The following AQR variants were observed in gnomAD, a reference collection of about 807,000 sequenced individuals.
AQR encodes the protein RNA helicase aquarius.
Under a neutral mutation model 180.5 loss-of-function variants are expected in AQR, and 61 were observed. The ratio of observed to expected loss-of-function variants is 0.34; its 90% CI spans 0.28 to 0.42. AQR has a LOEUF of 0.42. Ranked by LOEUF, AQR falls within the 10% of genes least tolerant of loss-of-function variation. The pLI is 1.00. For missense variants in AQR, 1,281 were observed against 1,798.3 expected (o/e 0.71, Z 5.20); for synonymous variants, 551 against 588.8 (o/e 0.94, Z 0.93).
intron 20 of AQR, among the ~76,000 whole-genome samples, chr15:34,900,139 C>T (rs538624784): frequency 2.0e-5 from 3 of 152,092 alleles, no homozygotes; most frequent in Non-Finnish European, 2.9e-5. Context: ...GCAGTCCTCC[C>T]GCCTTAGCCT....
chr15:34,886,786 T>C (rs922128438), intron 24 of AQR, 125 bp from the exon 25 acceptor site: 3 of 968,604 alleles, frequency 3.1e-6, no homozygotes, highest in Non-Finnish European at 4.5e-6. Flanking sequence ...ATATGGCTTC[T>C]ATTTAACTAT....
intron 23 of AQR, 69 bp downstream of exon 23, chr15:34,893,594 C>G: frequency 7.5e-7 from 1 of 1,340,036 alleles, no homozygotes; most frequent in East Asian, 2.4e-5. Flanking sequence ...TACCCATGTG[C>G]ATGCGCATGC....
intron 30 of AQR, among the ~76,000 whole-genome samples, chr15:34,871,858 G>A (rs756738937): frequency 6.6e-6 from 1 of 151,470 alleles, no homozygotes; most frequent in Non-Finnish European, 1.5e-5. Context: ...TTAAAGGTGA[G>A]GAACCACACA....
intron 34 of AQR, among the ~76,000 whole-genome samples, chr15:34,857,651 T>C (rs1892606776): frequency 6.6e-6 from 1 of 152,160 alleles, no homozygotes; most frequent in Non-Finnish European, 1.5e-5. Context: ...CTCAGGATGC[T>C]GAGGCAGGAG....
intron 20 of AQR, among the ~76,000 whole-genome samples, chr15:34,899,757 T>C (rs1397724366): frequency 3.3e-5 from 5 of 152,074 alleles, no homozygotes; most frequent in Non-Finnish European, 5.9e-5. Flanking sequence ...CTACCACCCA[T>C]AGGTATACTC....
intron 7 of AQR, among the ~76,000 whole-genome samples, chr15:34,941,401 T>C (rs1042525722): frequency 3.8e-4 from 58 of 152,352 alleles, no homozygotes; most frequent in African/African-American, 1.3e-3. Context: ...TTCTCTCTTA[T>C]AGCACTTGCC....
intron 3 of AQR, among the ~76,000 whole-genome samples, chr15:34,957,562 G>A (rs1436294603): frequency 1.3e-5 from 2 of 151,274 alleles, no homozygotes; most frequent in Admixed American, 6.6e-5. Context: ...TTAGCCAGGC[G>A]TGGTGGAGCA....
intron 20 of AQR, among the ~76,000 whole-genome samples, chr15:34,898,514 T>G (rs1043775828): frequency 6.6e-6 from 1 of 152,062 alleles, no homozygotes; most frequent in African/African-American, 2.4e-5. Context: ...TCTAGTGAGG[T>G]GAGACAGGGA....
intron 10 of AQR, among the ~76,000 whole-genome samples, chr15:34,932,688 G>T (rs371844979): frequency 6.6e-6 from 1 of 152,126 alleles, no homozygotes; most frequent in Non-Finnish European, 1.5e-5. Flanking sequence ...GGCCGGGCGC[G>T]GTGGCTCATG....
At chr15:34,904,155 C>G (rs762660680) in intron 19 of AQR, among the ~76,000 whole-genome samples, 181 bp downstream of exon 19, 2 of 151,958 alleles carry the variant, frequency 1.3e-5, no homozygotes, top group Non-Finnish European at 2.9e-5. Flanking sequence ...AAATCAATTT[C>G]TTTAAATTTT....
chr15:34,928,379 T>C (rs896728721), intron 12 of AQR, among the ~76,000 whole-genome samples: 4 of 152,114 alleles, frequency 2.6e-5, no homozygotes, highest in African/African-American at 9.7e-5. Flanking sequence ...CTGGTGTGTG[T>C]TGTTTCCTTC....
In AQR at chr15:34,882,604, C is replaced by A; in HGVS notation, c.3063G>T (p.Leu1021=). The part of the protein sequence containing the change: ...FRASELLRSG[L]DRSKYLLVKE... ...TCACTAAAAGGTATTTAGATCTGTC[C>A]AGTCCACTTCGAAGCAATTCAGAGG... Residue 1021 remains leucine (L), a synonymous_variant, in exon 27 of 35, where the codon CTG becomes CTT. Coordinates refer to ENST00000156471, the MANE Select transcript of AQR (RefSeq NM_014691.3). 5.0e-6 allele frequency: 8 copies of A among 1,610,306 alleles called. No individual in the cohort carries two copies. Among genetic ancestry groups the A allele is most frequent in the Non-Finnish European group, 6.8e-6 (8 of 1,178,220 alleles).
At chr15:34,932,527 A>T in intron 10 of AQR, 93 bp from the exon 11 acceptor site, 1 of 900,090 alleles carries the variant, frequency 1.1e-6, no homozygotes. Context: ...AGTATTAATC[A>T]CATACAAGGT....
chr15:34,918,484 A>C, intron 14 of AQR, 106 bp from the exon 15 acceptor site: 2 of 1,343,228 alleles, frequency 1.5e-6, no homozygotes, highest in Non-Finnish European at 2.0e-6. Flanking sequence ...TAGCAGTTCA[A>C]CAAGCGATTT....
At chr15:34,960,443 A>G (rs2050268338) in intron 3 of AQR, among the ~76,000 whole-genome samples, 2 of 152,182 alleles carry the variant, frequency 1.3e-5, no homozygotes, top group African/African-American at 4.8e-5. Context: ...TAAATTTAAT[A>G]ATGTCTTACT....
chr15:34,933,314 A>C (rs1021319760), intron 10 of AQR, among the ~76,000 whole-genome samples: 2 of 152,160 alleles, frequency 1.3e-5, no homozygotes, highest in Non-Finnish European at 1.5e-5. Context: ...ATATCAAAAA[A>C]CCACCTTACT....
intron 4 of AQR, among the ~76,000 whole-genome samples, chr15:34,951,149 C>T (rs1894224932): frequency 6.6e-6 from 1 of 152,156 alleles, no homozygotes; most frequent in Non-Finnish European, 1.5e-5. Flanking sequence ...ATAATGCCTT[C>T]CTCTAATGAT....
intron 1 of AQR, among the ~76,000 whole-genome samples, chr15:34,965,726 T>C (rs6495729): frequency 0.61 from 93,306 of 151,940 alleles, 30,933 homozygotes; most frequent in South Asian, 0.77. Flanking sequence ...TCCAACTCAA[T>C]AGAAAATCTT....
At chr15:34,943,188 G>A (rs773609869) in intron 6 of AQR, 3 of 1,610,478 alleles carry the variant, frequency 1.9e-6, no homozygotes, top group Non-Finnish European at 2.5e-6. Flanking sequence ...GTATGCCCAG[G>A]GAAAGCGGCG....
Sources: gnomAD v4.1 joint callset for allele counts (sites outside exome capture counted in the v4.1 genomes callset) on GRCh38, gnomAD v4.1.1 for gene constraint, MANE v1.5 for transcripts, NCBI Gene and HGNC (gene_info 2026-07-23, HGNC 2026-07-21) for gene names.